CTNND2: variants seen among roughly 807,000 people sequenced by gnomAD.
The protein encoded by CTNND2 is catenin delta 2, also known as catenin delta-2.
CTNND2 carries 22 observed loss-of-function variants against 144.4 expected under a neutral mutation model. The observed-to-expected ratio is 0.15, with a 90% CI of 0.11 to 0.22. The LOEUF (loss-of-function observed/expected upper bound fraction) is 0.22, where lower values mean the gene tolerates loss of function less well. CTNND2 is among the 10% of genes least tolerant of loss of function. The pLI, the probability that CTNND2 is intolerant of heterozygous loss-of-function variation, is 1.00. For missense variants in CTNND2, 1,353 were observed against 1,618.8 expected, an observed-to-expected ratio of 0.84 and a Z score of 2.82; for synonymous variants, 751 against 695.6, an observed-to-expected ratio of 1.08 and a Z score of -1.25.
intron 5 of CTNND2, among the ~76,000 whole-genome samples, chr5:11,401,469 T>C (rs1760644118): frequency 6.6e-6 from 1 of 152,138 alleles, no homozygotes; most frequent in Non-Finnish European, 1.5e-5. Context: ...TAATGGAGTA[T>C]CTGAACGTGT....
At chr5:11,155,511 G>C (rs1280044433) in intron 12 of CTNND2, among the ~76,000 whole-genome samples, 1 of 152,166 alleles carries the variant, frequency 6.6e-6, no homozygotes, top group African/African-American at 2.4e-5. Context: ...TAGCAAAGGG[G>C]AAGAAATGAA....
chr5:11,722,848 A>G (rs1412409842), intron 2 of CTNND2, among the ~76,000 whole-genome samples: 1 of 152,178 alleles, frequency 6.6e-6, no homozygotes, highest in African/African-American at 2.4e-5. Flanking sequence ...ACACAGCCAA[A>G]CCATATCAAA....
chr5:11,245,385 T>C (rs1014081701), intron 9 of CTNND2, among the ~76,000 whole-genome samples: 1 of 152,124 alleles, frequency 6.6e-6, no homozygotes, highest in African/African-American at 2.4e-5. Flanking sequence ...TGGGAGATGA[T>C]CCTCGGTTAG....
chr5:11,801,866 T>C (rs528404365), intron 1 of CTNND2, among the ~76,000 whole-genome samples: 50 of 152,302 alleles, frequency 3.3e-4, no homozygotes, highest in Non-Finnish European at 5.6e-4. Flanking sequence ...ATTGCATTCT[T>C]GATCCTATAA....
chr5:11,685,106 T>G (rs978815983), intron 2 of CTNND2, among the ~76,000 whole-genome samples: 2 of 152,190 alleles, frequency 1.3e-5, no homozygotes, highest in Non-Finnish European at 2.9e-5. Context: ...TTAGTATAAG[T>G]GCATTGTTAC....
chr5:11,735,009 AGCACT>A (rs1430025621), intron 1 of CTNND2, among the ~76,000 whole-genome samples: 3 of 152,228 alleles, frequency 2.0e-5, no homozygotes, highest in African/African-American at 7.2e-5. Flanking sequence ...GGATTGGAAT[AGCACT>A]GGAAAAGGAA....
chr5:11,460,140 C>G (rs31949), intron 3 of CTNND2, among the ~76,000 whole-genome samples: 7,924 of 152,188 alleles, frequency 0.052, 642 homozygotes, highest in African/African-American at 0.17. Flanking sequence ...ACAATCCAGT[C>G]TACAAATACA....
chr5:11,525,276 C>G (rs1028322373), intron 3 of CTNND2, among the ~76,000 whole-genome samples: 1 of 152,074 alleles, frequency 6.6e-6, no homozygotes, highest in African/African-American at 2.4e-5. Flanking sequence ...AACAGGAAAC[C>G]GCCTCTTTGT....
chr5:11,438,673 A>G (rs576230593), intron 3 of CTNND2, among the ~76,000 whole-genome samples: 34 of 152,358 alleles, frequency 2.2e-4, no homozygotes, highest in South Asian at 1.5e-3. Flanking sequence ...TTGGATGTGG[A>G]CAAGATTAAC....
intron 3 of CTNND2, among the ~76,000 whole-genome samples, chr5:11,495,022 C>T (rs26138): frequency 0.6 from 91,201 of 151,936 alleles, 28,521 homozygotes; most frequent in African/African-American, 0.77. Flanking sequence ...GCTTGACTTA[C>T]AAGTTCTTTA....
At chr5:11,262,558 C>G (rs1164434106) in intron 9 of CTNND2, among the ~76,000 whole-genome samples, 3 of 151,768 alleles carry the variant, frequency 2.0e-5, no homozygotes, top group Non-Finnish European at 2.9e-5. Flanking sequence ...GTCAGGAGAT[C>G]AAGACCATCC....
chr5:11,535,644 C>G (rs1352322651), intron 3 of CTNND2, among the ~76,000 whole-genome samples: 3 of 152,088 alleles, frequency 2.0e-5, no homozygotes, highest in Non-Finnish European at 4.4e-5. Flanking sequence ...ATTATTAAAA[C>G]TATGGTATTT....
intron 12 of CTNND2, among the ~76,000 whole-genome samples, chr5:11,144,773 G>A (rs1179585942): frequency 6.6e-6 from 1 of 152,154 alleles, no homozygotes; most frequent in African/African-American, 2.4e-5. Context: ...TTGTTTTACG[G>A]AGTGAGGTTC....
At chr5:11,557,238 C>T (rs1007494684) in intron 3 of CTNND2, among the ~76,000 whole-genome samples, 4 of 152,124 alleles carry the variant, frequency 2.6e-5, no homozygotes, top group African/African-American at 9.7e-5. Flanking sequence ...TTTCAGCTAA[C>T]AGTTTTATAA....
At position 10,972,204 on chromosome 5, in the gene CTNND2, G is replaced by C. The variant is rs922771789; in HGVS notation, c.*1249C>G. 1 of 152,608 alleles carries C rather than the reference G, an allele frequency of 6.6e-6. No homozygotes were observed. 9.5% of individuals were successfully genotyped at this position (152,608 alleles called of 1,614,324 possible). Reference sequence around the variant, plus strand: ...AAATGTGTAAGGAAACGGACCTGTAGAGAGGGTTGATATCCAAGTATGCGT... The same window carrying C: ...AAATGTGTAAGGAAACGGACCTGTACAGAGGGTTGATATCCAAGTATGCGT... On this transcript the variant is annotated 3_prime_UTR_variant, in exon 22 of 22. Transcript: ENST00000304623.
intron 9 of CTNND2, among the ~76,000 whole-genome samples, chr5:11,292,149 A>C (rs931999640): frequency 6.6e-6 from 1 of 152,166 alleles, no homozygotes; most frequent in Non-Finnish European, 1.5e-5. Context: ...ACAATAAAAC[A>C]ACAATAACAA....
chr5:11,809,268 G>A lies in CTNND2; in HGVS notation c.38-76996C>T, dbSNP rs368049098. Among the ~76,000 whole-genome samples, 290 of 152,254 alleles carry A rather than the reference G, an allele frequency of 1.9e-3. 2 individuals are homozygous for A. Among genetic ancestry groups the A allele is most frequent in the African/African-American group, 6.8e-3 (282 of 41,544 alleles). On this transcript the variant is annotated intron_variant, in intron 1 of 21. Transcript: ENST00000304623. The stretch of plus-strand genomic sequence containing the variant: ...TTGATTGTATCACTTTCAAAGTGAT[G>A]TAAAGCTAAACATAATAAAACAGGA...
At chr5:11,651,285 A>G (rs191420967) in intron 2 of CTNND2, among the ~76,000 whole-genome samples, 3 of 152,224 alleles carry the variant, frequency 2.0e-5, no homozygotes, top group Non-Finnish European at 4.4e-5. Context: ...CAGTTTCCAC[A>G]TGGTATGAAG....
chr5:11,129,324 T>TATATATTATATATA (rs1755325232), intron 12 of CTNND2, among the ~76,000 whole-genome samples: 3 of 107,818 alleles, frequency 2.8e-5, no homozygotes, highest in African/African-American at 1.1e-4. Context: ...ATATATATAA[T>TATATATTATATATA]ATATATATAT....
Sources: allele counts gnomAD v4.1 joint callset (sites outside exome capture counted in the v4.1 genomes callset), GRCh38; gene constraint gnomAD v4.1.1; transcripts MANE v1.5; gene names NCBI Gene and HGNC (gene_info 2026-07-23, HGNC 2026-07-21).